Variants in MAP3K1 observed in about 807,000 individuals in gnomAD.
MAP3K1 encodes the protein mitogen-activated protein kinase kinase kinase 1.
In MAP3K1, 36 loss-of-function variants were observed where a neutral mutation model predicts 144.2. The ratio of observed to expected loss-of-function variants is 0.25; its 90% CI spans 0.19 to 0.33. MAP3K1 has a LOEUF of 0.33. Among genes scored for constraint, MAP3K1 ranks in the 10% least tolerant of loss-of-function variants. The pLI, the probability that MAP3K1 is intolerant of heterozygous loss-of-function variation, is 1.00. For synonymous variants in MAP3K1, 718 were observed against 688.7 expected (o/e 1.04, Z -0.67); for missense variants, 1,650 against 1,881.9 (o/e 0.88, Z 2.28).
At chr5:56,831,971 T>C (rs763956) in intron 1 of MAP3K1, among the ~76,000 whole-genome samples, 2,231 of 152,310 alleles carry the variant, frequency 0.015, 63 homozygotes, top group African/African-American at 0.051. Context: ...TGGAAAGATA[T>C]TTAACCTGCT....
Position 56,887,451 on chromosome 5 carries a change from A to G in MAP3K1, c.4188A>G (p.Ala1396=), listed in dbSNP as rs777175997. The G allele has an allele frequency of 1.9e-6, 3 of 1,614,094 alleles. No individual in the cohort carries two copies. Among genetic ancestry groups the G allele is most frequent in the African/African-American group, 2.7e-5 (2 of 74,950 alleles). ...ATTTTGGAGCTGCAGCCAGGTTGGC[A>G]TCAAAAGGAACTGGTGCAGGAGAGT... ...IADFGAAARL[A]SKGTGAGEFQ... Residue 1396 remains alanine (A), a synonymous_variant, in exon 18 of 20, where the codon GCA becomes GCG. Coordinates refer to ENST00000399503, the MANE Select transcript of MAP3K1 (RefSeq NM_005921.2).
chr5:56,866,059 G>GT, intron 6 of MAP3K1, 82 bp downstream of exon 6: 1 of 1,126,866 alleles, frequency 8.9e-7, no homozygotes, highest in Non-Finnish European at 1.3e-6. Context: ...TACTTGTTAA[G>GT]TTGCTCTAAA....
chr5:56,816,438 T>C (rs1745971570), intron 1 of MAP3K1, among the ~76,000 whole-genome samples: 1 of 151,012 alleles, frequency 6.6e-6, no homozygotes, highest in African/African-American at 2.4e-5. Context: ...CGGACGGGTG[T>C]CCCCGGGGCA....
chr5:56,840,870 GTTTT>G, intron 1 of MAP3K1, among the ~76,000 whole-genome samples: 1 of 138,364 alleles, frequency 7.2e-6, no homozygotes, highest in South Asian at 2.3e-4. Flanking sequence ...AATTGTTAAG[GTTTT>G]TTTTTTTTTT....
intron 1 of MAP3K1, among the ~76,000 whole-genome samples, chr5:56,844,040 C>T (rs967337327): frequency 6.6e-6 from 1 of 152,078 alleles, no homozygotes; most frequent in African/African-American, 2.4e-5. Context: ...TCTTTTTCCC[C>T]TTGGAGATTA....
chr5:56,881,723 G>A lies in MAP3K1; in HGVS notation c.2523G>A (p.Leu841=). The change falls in exon 14 of 20, where the codon CTG becomes CTA. Residue 841 remains leucine (L), a synonymous_variant. Coordinates refer to ENST00000399503, the MANE Select transcript of MAP3K1 (RefSeq NM_005921.2). The part of the protein sequence containing the change: ...PHVFSKLLEM[L]SVSSSTHFTR... ...TGTTTTCAAAACTGTTAGAAATGCT[G>A]AGTGTTTCCAGTTCCACTCACTTCA... 1 of 1,614,090 alleles carries A rather than the reference G, an allele frequency of 6.2e-7. No individual in the cohort carries two copies. The highest frequency in any genetic ancestry group is 1.3e-5 in the African/African-American group (1 of 75,020).
rs183660741 is a variant in MAP3K1, at chr5:56,893,734, A to G, written c.*54A>G. 1,572 of 1,594,296 alleles carry G rather than the reference A, an allele frequency of 9.9e-4. 3 individuals are homozygous for G. Among genetic ancestry groups the G allele is most frequent in the Admixed American group, 1.2e-3 (70 of 59,432 alleles). ...ACAGGATGCTCAACAAGAGAAAAAA[A>G]ACTTGTGGGGAACCACATTGATATT... On this transcript the variant is annotated 3_prime_UTR_variant, in exon 20 of 20. Transcript: ENST00000399503.
intron 9 of MAP3K1, 137 bp from the exon 10 acceptor site, chr5:56,874,895 T>C: frequency 2.3e-6 from 2 of 863,150 alleles, no homozygotes; most frequent in Non-Finnish European, 3.9e-6. Context: ...GCTGGATATA[T>C]TTGAAGTTGT....
At chr5:56,855,026 A>G (rs1311286871) in intron 1 of MAP3K1, among the ~76,000 whole-genome samples, 7 of 152,140 alleles carry the variant, frequency 4.6e-5, no homozygotes, top group Non-Finnish European at 8.8e-5. Flanking sequence ...AGCCTCCTGG[A>G]ATACCAACTG....
At position 56,873,015 on chromosome 5, in the gene MAP3K1, T is replaced by C; in HGVS notation, c.1686+10T>C. On this transcript the variant is annotated intron_variant, in intron 9 of 19. Transcript: ENST00000399503. ...TGAGCCATGGATTCAGGTAAGTAGT[T>C]CTTTGTTTTTCATTTCTCAAAGAAA... is the stretch of plus-strand genomic sequence containing the variant. 2 of 1,610,880 alleles carry C rather than the reference T, an allele frequency of 1.2e-6. No homozygotes were observed. Among genetic ancestry groups the C allele is most frequent in the Non-Finnish European group, 1.7e-6 (2 of 1,177,632 alleles).
intron 6 of MAP3K1, among the ~76,000 whole-genome samples, chr5:56,868,222 T>C (rs1324215649): frequency 6.6e-6 from 1 of 152,166 alleles, no homozygotes; most frequent in East Asian, 1.9e-4. Flanking sequence ...CTATGTTCAG[T>C]AAAACTGTAT....
chr5:56,841,475 C>G (rs1746813373), intron 1 of MAP3K1, among the ~76,000 whole-genome samples: 1 of 152,130 alleles, frequency 6.6e-6, no homozygotes, highest in Non-Finnish European at 1.5e-5. Context: ...ATCCACTTAG[C>G]TACCACGTAG....
In MAP3K1 at chr5:56,824,812, ATTATCTG is replaced by A. The variant is rs780250850; in HGVS notation, c.482+8759_482+8765del. On this transcript the variant is annotated intron_variant, in intron 1 of 19. Coordinates refer to ENST00000399503, the MANE Select transcript of MAP3K1 (RefSeq NM_005921.2). ...ATGCTGCTTACCGAATGTCTTATCTATTATCTGTGTGGAGAAATCTTTTTTGTTATTG... is the reference window on the plus strand; with the variant it reads ...ATGCTGCTTACCGAATGTCTTATCTATGTGGAGAAATCTTTTTTGTTATTG... Among the ~76,000 whole-genome samples the A allele has an allele frequency of 1.5e-3, 221 of 152,262 alleles. 1 individual carries two copies. The highest frequency in any genetic ancestry group is 2.3e-3 in the Non-Finnish European group (159 of 68,010).
chr5:56,887,156 TTTAAA>T (rs1301032415), intron 17 of MAP3K1, among the ~76,000 whole-genome samples: 1 of 152,242 alleles, frequency 6.6e-6, no homozygotes, highest in Non-Finnish European at 1.5e-5. Flanking sequence ...TTTATAACTT[TTTAAA>T]TTAAGCTCTA....
chr5:56,869,736 T>G (rs1337530563), intron 6 of MAP3K1, among the ~76,000 whole-genome samples: 1 of 152,210 alleles, frequency 6.6e-6, no homozygotes, highest in Non-Finnish European at 1.5e-5. Context: ...TAAGCTTAAT[T>G]TTGGTATAAT....
chr5:56,875,564 G>T lies in MAP3K1; in HGVS notation c.1965+254G>T, dbSNP rs72644087. Among the ~76,000 whole-genome samples the T allele has an allele frequency of 0.067, 10,141 of 152,104 alleles. 509 individuals are homozygous for T. Among genetic ancestry groups the T allele is most frequent in the East Asian group, 0.2 (1,011 of 5,166 alleles). On this transcript the variant is annotated intron_variant, in intron 10 of 19. Coordinates refer to ENST00000399503, the MANE Select transcript of MAP3K1 (RefSeq NM_005921.2). The stretch of plus-strand genomic sequence containing the variant: ...TCATTGTTTTAAAGGCTTTGCAGGG[G>T]TATCCAAGGGAGAGAATATAGTCAT...
At chr5:56,842,388 CTT>C (rs1281291958) in intron 1 of MAP3K1, among the ~76,000 whole-genome samples, 1 of 152,234 alleles carries the variant, frequency 6.6e-6, no homozygotes, top group East Asian at 1.9e-4. Flanking sequence ...ACTACTTAAT[CTT>C]TCTGCAGGTT....
At chr5:56,872,191 G>A (rs1267453886) in intron 7 of MAP3K1, among the ~76,000 whole-genome samples, 160 bp downstream of exon 7, 1 of 152,200 alleles carries the variant, frequency 6.6e-6, no homozygotes, top group East Asian at 1.9e-4. Context: ...CAACAAATGG[G>A]AATGTAGGAT....
At chr5:56,819,612 C>G (rs988924423) in intron 1 of MAP3K1, among the ~76,000 whole-genome samples, 1 of 151,976 alleles carries the variant, frequency 6.6e-6, no homozygotes, top group African/African-American at 2.4e-5. Context: ...GAAAGCACCT[C>G]TTTTGCATTT....
Sources: allele counts gnomAD v4.1 joint callset (sites outside exome capture counted in the v4.1 genomes callset), GRCh38; gene constraint gnomAD v4.1.1; transcripts MANE v1.5; gene names NCBI Gene and HGNC (gene_info 2026-07-23, HGNC 2026-07-21).